Variants in BSG observed in about 807,000 individuals in gnomAD.
BSG encodes the protein basigin (Ok blood group).
A neutral mutation model predicts 43.1 loss-of-function variants in BSG; 37 were observed. The ratio of observed to expected loss-of-function variants is 0.86; its 90% CI spans 0.66 to 1.13. The LOEUF is 1.13. Among genes scored for constraint, BSG ranks in the 50% most tolerant of loss-of-function variants. The probability of loss-of-function intolerance (pLI) is 0.00; values close to 1 mark genes in which losing one functional copy is unlikely to be tolerated. For missense variants in BSG, 599 were observed against 554.2 expected, an observed-to-expected ratio of 1.08 and a Z score of -0.81; for synonymous variants, 309 against 238.7, an observed-to-expected ratio of 1.29 and a Z score of -2.72.
rs766230593 is a variant in BSG at position 581,348 on chromosome 19, G to A, written c.826G>A (p.Val276Met). The A allele has an allele frequency of 6.8e-6, 11 of 1,612,610 alleles. No individual in the cohort carries two copies. The highest frequency in any genetic ancestry group is 7.6e-6 in the Non-Finnish European group (9 of 1,179,878). Residue 276 changes from valine to methionine, a missense_variant, in exon 6 of 9, where the codon GTG becomes ATG. By Grantham distance (21) the Val-to-Met change is conservative. Coordinates refer to ENST00000333511, the MANE Select transcript of BSG (RefSeq NM_001728.4). ...GAACGGCTCCGAGAGCAGGTTCTTC[G>A]TGAGTTCCTCGCAGGGCCGGTCAGA... The part of the protein sequence containing the change: ...LMNGSESRFF[V>M]SSSQGRSELH...
rs1982443873 is a variant in BSG at position 582,735 on chromosome 19, C to T, written c.*6-15C>T. 4 of 799,860 alleles carry T rather than the reference C, an allele frequency of 5.0e-6. No individual in the cohort carries two copies. The highest frequency in any genetic ancestry group is 8.0e-6 in the Non-Finnish European group (4 of 500,004). 49.5% of individuals were successfully genotyped at this position (799,860 alleles called of 1,614,324 possible). A position where few individuals can be genotyped will look rare whatever the true frequency, so the allele number is the denominator to read the frequency against. ...GGGAGGTGGGTCCAGTCTGAGCGCC[C>T]CTCCCTGTCCACAGGTGGCCCGAGG... On this transcript the variant is annotated splice_polypyrimidine_tract_variant and intron_variant, in intron 8 of 8. Coordinates refer to ENST00000333511, the MANE Select transcript of BSG (RefSeq NM_001728.4).
At chr19:575,996 C>T (rs1268956580) in intron 1 of BSG, among the ~76,000 whole-genome samples, 1 of 152,232 alleles carries the variant, frequency 6.6e-6, no homozygotes, top group Non-Finnish European at 1.5e-5. Context: ...TCATCAGCAT[C>T]CGGAGGGACA....
At chr19:573,482 GGA>G (rs1333898103) in intron 1 of BSG, among the ~76,000 whole-genome samples, 4 of 152,170 alleles carry the variant, frequency 2.6e-5, no homozygotes, top group African/African-American at 9.6e-5. Flanking sequence ...GTTCTTCACG[GGA>G]TTTAGCCCTG....
Position 580,690 on chromosome 19 carries a change from G to A in BSG, c.700G>A (p.Glu234Lys), listed in dbSNP as rs758457857. The change falls in exon 5 of 9, where the codon GAG (glutamate) becomes AAG (lysine). Residue 234 changes from glutamate (E) to lysine (K), a missense_variant. By Grantham distance (56) the Glu-to-Lys change is moderately conservative (BLOSUM62 1). Coordinates refer to ENST00000333511, the MANE Select transcript of BSG (RefSeq NM_001728.4). ...TGTGAAGTCGTCAGAACACATCAAC[G>A]AGGGGGAGACGGCCATGCTGGTCTG... ...KAVKSSEHIN[E>K]GETAMLVCKS... 4.3e-6 allele frequency: 7 copies of A among 1,612,756 alleles called. No individual in the cohort carries two copies. The highest frequency in any genetic ancestry group is 1.1e-5 in the South Asian group (1 of 91,084).
chr19:572,552 C>A, upstream of BSG: 3 of 1,387,330 alleles, frequency 2.2e-6, no homozygotes, highest in South Asian at 4.8e-5. Flanking sequence ...CGCGCCCGGT[C>A]CGCGCCTCCG....
intron 1 of BSG, among the ~76,000 whole-genome samples, chr19:574,698 C>G (rs2145888059): frequency 6.6e-6 from 1 of 152,318 alleles, no homozygotes; most frequent in South Asian, 2.1e-4. Flanking sequence ...TGGGCAGAGG[C>G]TGGGGAGGGG....
Position 572,631 on chromosome 19 carries a change from A to G in BSG, c.-4A>G, listed in dbSNP as rs374199840. 2.3e-5 allele frequency: 35 copies of G among 1,501,982 alleles called. No individual in the cohort carries two copies. Among genetic ancestry groups the G allele is most frequent in the Admixed American group, 8.8e-5 (4 of 45,594 alleles). The allele number at this position is 1,501,982 out of a possible 1,614,324, so 93.0% of individuals were successfully genotyped here. A position where few individuals can be genotyped will look rare whatever the true frequency, so the allele number is the denominator to read the frequency against. On this transcript the variant is annotated 5_prime_UTR_variant, in exon 1 of 9. Transcript: ENST00000333511. ...GGTTGTAGGACCGGCGAGGAATAGGAATCATGGCGGCTGCGCTGTTCGTGC... is the reference window on the plus strand; with the variant it reads ...GGTTGTAGGACCGGCGAGGAATAGGGATCATGGCGGCTGCGCTGTTCGTGC...
Position 583,142 on chromosome 19 carries a change from T to A in BSG, c.*398T>A, listed in dbSNP as rs1982487088. On this transcript the variant is annotated 3_prime_UTR_variant, in exon 9 of 9. Coordinates refer to ENST00000333511, the MANE Select transcript of BSG (RefSeq NM_001728.4). ...CTGTCTGAAGCCAATGCTGTCTGGT[T>A]GCGCCATTTTTGTGCTTTTATGTTT... 1 of 155,688 alleles carries A rather than the reference T, an allele frequency of 6.4e-6. No individual in the cohort carries two copies. Among genetic ancestry groups the A allele is most frequent in the Non-Finnish European group, 1.4e-5 (1 of 70,166 alleles). The allele number at this position is 155,688 out of a possible 1,614,324, so 9.6% of individuals were successfully genotyped here.
chr19:572,663 G>T lies in BSG; in HGVS notation c.29G>T (p.Gly10Val). 6.6e-7 allele frequency: 1 copy of T among 1,505,362 alleles called. No homozygotes were observed. Among genetic ancestry groups the T allele is most frequent in the East Asian group, 2.8e-5 (1 of 35,338 alleles). The allele number at this position is 1,505,362 out of a possible 1,614,324, so 93.3% of individuals were successfully genotyped here. A position where few individuals can be genotyped will look rare whatever the true frequency, so the allele number is the denominator to read the frequency against. Residue 10 changes from glycine to valine, a missense_variant, in exon 1 of 9, where the codon GGA becomes GTA. Coordinates refer to ENST00000333511, the MANE Select transcript of BSG (RefSeq NM_001728.4). The stretch of plus-strand genomic sequence containing the variant: ...GCGGCTGCGCTGTTCGTGCTGCTGG[G>T]ATTCGCGCTGCTGGGCACCCACGGA... MAAALFVLL[G>V]FALLGTHGAS...
At chr19:579,025 C>T (rs1341761356) in intron 2 of BSG, 6 of 456,362 alleles carry the variant, frequency 1.3e-5, no homozygotes, top group Middle Eastern at 3.5e-4. Context: ...CCTCCGCGCC[C>T]GGCCACCACC....
intron 7 of BSG, 56 bp from the exon 8 acceptor site, chr19:582,458 A>T: frequency 1.2e-6 from 2 of 1,602,380 alleles, no homozygotes; most frequent in Non-Finnish European, 1.7e-6. Flanking sequence ...GGCAGGGGTG[A>T]CTTGGAGAGA....
chr19:572,813 G>C, intron 1 of BSG, 112 bp downstream of exon 1: 1 of 1,225,180 alleles, frequency 8.2e-7, no homozygotes, highest in Non-Finnish European at 1.0e-6. Flanking sequence ...GGCGGCCTGG[G>C]GTGCGAAAGG....
At chr19:579,199 C>A (rs990851595) in intron 2 of BSG, 10 of 525,548 alleles carry the variant, frequency 1.9e-5, no homozygotes, top group Non-Finnish European at 3.7e-5. Flanking sequence ...CATCGCCAGG[C>A]GGGGCCTCTG....
chr19:574,197 G>T (rs1981550985), intron 1 of BSG, among the ~76,000 whole-genome samples: 1 of 150,838 alleles, frequency 6.6e-6, no homozygotes, highest in Non-Finnish European at 1.5e-5. Flanking sequence ...GAAGGTTGCA[G>T]TGAGCTGATA....
chr19:583,427 AG>A lies in BSG; in HGVS notation c.*686del, dbSNP rs1253673613. 2 of 152,278 alleles carry A rather than the reference AG, an allele frequency of 1.3e-5. No homozygotes were observed. The highest frequency in any genetic ancestry group is 3.8e-4 in the East Asian group (2 of 5,200). The allele number at this position is 152,278 out of a possible 1,614,324, so 9.4% of individuals were successfully genotyped here. On this transcript the variant is annotated 3_prime_UTR_variant, in exon 9 of 9. Coordinates refer to ENST00000333511, the MANE Select transcript of BSG (RefSeq NM_001728.4). ...AGGACGGCCGGCTCTCTATAGCACCAGGGCTCACGTGGGAACCCCCCTCCCA... is the reference window on the plus strand; with the variant it reads ...AGGACGGCCGGCTCTCTATAGCACCAGGCTCACGTGGGAACCCCCCTCCCA...
At chr19:579,709 G>A in intron 3 of BSG, 53 bp downstream of exon 3, 1 of 1,554,832 alleles carries the variant, frequency 6.4e-7, no homozygotes, top group South Asian at 1.2e-5. Context: ...CGGCTCTCTT[G>A]CCGCCAGCGG....
rs565127256 is a variant in BSG, at chr19:572,661, G to A, written c.27G>A (p.Leu9=). 3.2e-4 allele frequency: 476 copies of A among 1,506,522 alleles called. 3 individuals are homozygous for A. Among genetic ancestry groups the A allele is most frequent in the South Asian group, 1.7e-3 (138 of 79,606 alleles). 93.3% of individuals were successfully genotyped at this position (1,506,522 alleles called of 1,614,324 possible). ...TGGCGGCTGCGCTGTTCGTGCTGCTGGGATTCGCGCTGCTGGGCACCCACG... is the reference window on the plus strand; with the variant it reads ...TGGCGGCTGCGCTGTTCGTGCTGCTAGGATTCGCGCTGCTGGGCACCCACG... MAAALFVL[L]GFALLGTHGA... The change falls in exon 1 of 9, where the codon CTG becomes CTA. Residue 9 remains leucine (L), a synonymous_variant. Coordinates refer to ENST00000333511, the MANE Select transcript of BSG (RefSeq NM_001728.4).
upstream of BSG, chr19:572,345 GCGCAGGCTCCAGCCGCGTCCC>G (rs1638338776): frequency 9.6e-7 from 1 of 1,039,012 alleles, no homozygotes; most frequent in South Asian, 4.6e-5. Flanking sequence ...AGGAAGAAAT[GCGCAGGCTCCAGCCGCGTCCC>G]CGCAGGCCCC....
intron 3 of BSG, chr19:579,923 G>A (rs942209235): frequency 3.9e-6 from 2 of 510,120 alleles, no homozygotes; most frequent in Non-Finnish European, 6.9e-6. Context: ...GCGCCACACT[G>A]CCAGGTCCCG....
Sources: gnomAD v4.1 joint callset for allele counts (sites outside exome capture counted in the v4.1 genomes callset) on GRCh38, gnomAD v4.1.1 for gene constraint, MANE v1.5 for transcripts, NCBI Gene and HGNC (gene_info 2026-07-23, HGNC 2026-07-21) for gene names.